ARHGAP24: variants seen among roughly 807,000 people sequenced by gnomAD.
The protein encoded by ARHGAP24 is Rho GTPase activating protein 24, also known as rho GTPase-activating protein 24.
A neutral mutation model predicts 76.4 loss-of-function variants in ARHGAP24; 50 were observed. That is an observed-to-expected ratio of 0.65 (90% CI 0.52 to 0.83). ARHGAP24 has a LOEUF of 0.83. Among genes scored for constraint, ARHGAP24 ranks in the 40% least tolerant of loss-of-function variants. The pLI, the probability that ARHGAP24 is intolerant of heterozygous loss-of-function variation, is 0.00. For synonymous variants in ARHGAP24, 345 were observed against 323.3 expected (o/e 1.07, Z -0.72); for missense variants, 930 against 914.2 (o/e 1.02, Z -0.22).
intron 2 of ARHGAP24, among the ~76,000 whole-genome samples, chr4:85,639,518 T>C (rs991173450): frequency 1.1e-4 from 16 of 152,138 alleles, no homozygotes. Context: ...TTCTCAGAGT[T>C]AGCTCCAAGA....
At chr4:85,597,258 T>C (rs1719872535) in intron 2 of ARHGAP24, among the ~76,000 whole-genome samples, 1 of 152,136 alleles carries the variant, frequency 6.6e-6, no homozygotes, top group Non-Finnish European at 1.5e-5. Flanking sequence ...ATAAATTTAT[T>C]GATTTTGCTT....
At chr4:85,780,261 C>A (rs534343628) in intron 3 of ARHGAP24, among the ~76,000 whole-genome samples, 5 of 152,080 alleles carry the variant, frequency 3.3e-5, no homozygotes, top group Non-Finnish European at 5.9e-5. Context: ...GCAACCTCCA[C>A]CTCCTGGATT....
chr4:85,999,455 T>G (rs973322118), intron 9 of ARHGAP24, among the ~76,000 whole-genome samples: 1 of 152,192 alleles, frequency 6.6e-6, no homozygotes, highest in Non-Finnish European at 1.5e-5. Flanking sequence ...ATCAAATTTT[T>G]CAAAGCAGAA....
intron 3 of ARHGAP24, among the ~76,000 whole-genome samples, chr4:85,894,230 A>C (rs895828054): frequency 6.6e-6 from 1 of 152,128 alleles, no homozygotes; most frequent in Non-Finnish European, 1.5e-5. Context: ...AAAAGAGAGA[A>C]GAGAGGGAGA....
intron 2 of ARHGAP24, among the ~76,000 whole-genome samples, chr4:85,633,363 T>G (rs1307214032): frequency 6.6e-6 from 1 of 151,980 alleles, no homozygotes; most frequent in African/African-American, 2.4e-5. Context: ...AAATGATTTT[T>G]GGCAAATTAG....
intron 3 of ARHGAP24, among the ~76,000 whole-genome samples, chr4:85,787,562 A>T (rs1727907952): frequency 6.6e-6 from 1 of 152,204 alleles, no homozygotes; most frequent in African/African-American, 2.4e-5. Flanking sequence ...ACAGCTTTTG[A>T]GTTTCAAAAA....
chr4:85,767,992 A>G lies in ARHGAP24; in HGVS notation c.268+46020A>G, dbSNP rs140496597. ...AAAATCTTGAGGCATTCTGAAAGAT[A>G]AACAGTGTTTTACCAAGGTGGGAAA... On this transcript the variant is annotated intron_variant, in intron 3 of 9. Transcript: ENST00000395184. Among the ~76,000 whole-genome samples, 435 of 152,338 alleles carry G rather than the reference A, an allele frequency of 2.9e-3. 4 individuals carry two copies. The highest frequency in any genetic ancestry group is 0.01 in the African/African-American group (418 of 41,570).
intron 3 of ARHGAP24, among the ~76,000 whole-genome samples, chr4:85,749,721 A>T (rs1245820755): frequency 2.0e-5 from 3 of 151,958 alleles, no homozygotes; most frequent in African/African-American, 7.3e-5. Context: ...ACCTGCCACC[A>T]CGCCTGGCTA....
chr4:85,745,045 G>A (rs1041326910), intron 3 of ARHGAP24, among the ~76,000 whole-genome samples: 2 of 152,054 alleles, frequency 1.3e-5, no homozygotes, highest in African/African-American at 2.4e-5. Flanking sequence ...AAATATGAGT[G>A]TGAGGTTAAA....
chr4:85,626,414 C>A (rs1175500380), intron 2 of ARHGAP24, among the ~76,000 whole-genome samples: 1 of 152,176 alleles, frequency 6.6e-6, no homozygotes, highest in Admixed American at 6.5e-5. Flanking sequence ...TCTCTTCTGG[C>A]TGATAGAGTT....
chr4:85,716,469 T>C (rs1724736923), intron 2 of ARHGAP24, among the ~76,000 whole-genome samples: 1 of 152,146 alleles, frequency 6.6e-6, no homozygotes, highest in East Asian at 1.9e-4. Context: ...TGGTTAATTA[T>C]TGTCATGAAA....
intron 1 of ARHGAP24, among the ~76,000 whole-genome samples, chr4:85,510,449 C>A (rs1724230934): frequency 6.6e-6 from 1 of 151,906 alleles, no homozygotes; most frequent in Admixed American, 6.6e-5. Context: ...CTCTCCCTTT[C>A]TTTTTCTCCC....
chr4:85,877,439 A>G (rs1732999663), intron 3 of ARHGAP24, among the ~76,000 whole-genome samples: 1 of 152,202 alleles, frequency 6.6e-6, no homozygotes, highest in Admixed American at 6.5e-5. Context: ...AGCCTGGGCA[A>G]CATTGCAAAA....
intron 3 of ARHGAP24, among the ~76,000 whole-genome samples, chr4:85,871,711 A>G (rs913337803): frequency 2.6e-5 from 4 of 152,190 alleles, no homozygotes; most frequent in Admixed American, 6.6e-5. Flanking sequence ...TTGATGTAGC[A>G]GAACCTTGGA....
At chr4:85,638,124 T>C (rs986683483) in intron 2 of ARHGAP24, among the ~76,000 whole-genome samples, 1 of 152,112 alleles carries the variant, frequency 6.6e-6, no homozygotes, top group Non-Finnish European at 1.5e-5. Context: ...ATCTTACCTA[T>C]CATGGTGGTC....
At chr4:85,802,973 T>G (rs555977450) in intron 3 of ARHGAP24, among the ~76,000 whole-genome samples, 1 of 152,348 alleles carries the variant, frequency 6.6e-6, no homozygotes, top group Admixed American at 6.5e-5. Flanking sequence ...GGACTTGCTT[T>G]GCAATTTCCA....
At chr4:85,640,155 C>G (rs1164415110) in intron 2 of ARHGAP24, among the ~76,000 whole-genome samples, 1 of 152,088 alleles carries the variant, frequency 6.6e-6, no homozygotes, top group Non-Finnish European at 1.5e-5. Flanking sequence ...ACTATGAGGC[C>G]GTTAGCCACC....
chr4:85,704,857 A>T (rs1018782957), intron 2 of ARHGAP24, among the ~76,000 whole-genome samples: 1 of 152,088 alleles, frequency 6.6e-6, no homozygotes, highest in Non-Finnish European at 1.5e-5. Context: ...ACCAGATAGA[A>T]TTTTTTTAAT....
At chr4:85,665,015 C>T (rs146218414) in intron 2 of ARHGAP24, among the ~76,000 whole-genome samples, 243 of 152,096 alleles carry the variant, frequency 1.6e-3, no homozygotes, top group African/African-American at 5.5e-3. Flanking sequence ...AGAGTTCTGT[C>T]GATGTCTATT....
Sources: allele counts gnomAD v4.1 joint callset (sites outside exome capture counted in the v4.1 genomes callset), GRCh38; gene constraint gnomAD v4.1.1; transcripts MANE v1.5; gene names NCBI Gene and HGNC (gene_info 2026-07-23, HGNC 2026-07-21).